The following ST6GALNAC5 variants were observed in gnomAD, a reference collection of about 807,000 sequenced individuals.
The protein encoded by ST6GALNAC5 is alpha-N-acetylgalactosaminide alpha-2,6-sialyltransferase 5.
In ST6GALNAC5, 27 loss-of-function variants were observed where a neutral mutation model predicts 33.6. The observed-to-expected ratio is 0.80, with a 90% CI of 0.59 to 1.11. The LOEUF (loss-of-function observed/expected upper bound fraction) is 1.11, where lower values mean the gene tolerates loss of function less well. ST6GALNAC5 is among the 50% of genes least tolerant of loss of function. The pLI is 0.00. For synonymous variants in ST6GALNAC5, 194 were observed against 171.2 expected, an observed-to-expected ratio of 1.13 and a Z score of -1.04; for missense variants, 428 against 454.0, an observed-to-expected ratio of 0.94 and a Z score of 0.52.
At chr1:77,040,785 G>C (rs949221237) in intron 2 of ST6GALNAC5, among the ~76,000 whole-genome samples, 9 of 152,150 alleles carry the variant, frequency 5.9e-5, no homozygotes, top group Admixed American at 5.9e-4. Flanking sequence ...AGCGTGATGA[G>C]AAAAAGCAGC....
chr1:76,974,366 C>T (rs1648908582), intron 2 of ST6GALNAC5, among the ~76,000 whole-genome samples: 1 of 151,830 alleles, frequency 6.6e-6, no homozygotes, highest in African/African-American at 2.4e-5. Context: ...TCACCACACT[C>T]AGTTGATTTT....
At chr1:76,913,110 C>T (rs941975189) in intron 2 of ST6GALNAC5, among the ~76,000 whole-genome samples, 2 of 152,016 alleles carry the variant, frequency 1.3e-5, no homozygotes, top group African/African-American at 4.8e-5. Context: ...TTAGGGCAGG[C>T]CTGGTGGTGA....
At chr1:76,976,073 C>T (rs960050005) in intron 2 of ST6GALNAC5, among the ~76,000 whole-genome samples, 6 of 151,740 alleles carry the variant, frequency 4.0e-5, no homozygotes, top group Middle Eastern at 3.4e-3. Flanking sequence ...CCAGCCTGGG[C>T]GACAAAGCGA....
chr1:77,051,647 A>G (rs1254524677), intron 4 of ST6GALNAC5, among the ~76,000 whole-genome samples: 2 of 152,218 alleles, frequency 1.3e-5, no homozygotes. Flanking sequence ...AGCACAAGGC[A>G]AGTTAGCTTG....
At chr1:77,050,174 C>A in intron 3 of ST6GALNAC5, 84 bp from the exon 4 acceptor site, 2 of 1,143,098 alleles carry the variant, frequency 1.7e-6, no homozygotes, top group Admixed American at 1.7e-5. Context: ...TTATAGTTAG[C>A]CTTACTCTAG....
At chr1:76,954,965 T>C (rs749527847) in intron 2 of ST6GALNAC5, among the ~76,000 whole-genome samples, 1 of 152,168 alleles carries the variant, frequency 6.6e-6, no homozygotes, top group Admixed American at 6.6e-5. Flanking sequence ...TTCTGGTCTA[T>C]GGAGAAGGGA....
chr1:77,006,781 G>T (rs976043747), intron 2 of ST6GALNAC5, among the ~76,000 whole-genome samples: 5 of 152,126 alleles, frequency 3.3e-5, no homozygotes, highest in Non-Finnish European at 5.9e-5. Flanking sequence ...ATACTGGGTG[G>T]CTCTTCTGGC....
intron 2 of ST6GALNAC5, among the ~76,000 whole-genome samples, chr1:76,917,596 G>C (rs1646988569): frequency 6.6e-6 from 1 of 151,612 alleles, no homozygotes; most frequent in Non-Finnish European, 1.5e-5. Flanking sequence ...GTATAGTAGT[G>C]TATTAGGGTT....
chr1:76,984,239 G>C (rs1050544234), intron 2 of ST6GALNAC5, among the ~76,000 whole-genome samples: 7 of 152,052 alleles, frequency 4.6e-5, no homozygotes, highest in Admixed American at 3.3e-4. Flanking sequence ...TTTTTGAAAA[G>C]ATTAACAAAA....
intron 2 of ST6GALNAC5, among the ~76,000 whole-genome samples, chr1:77,018,843 G>C (rs1048958623): frequency 2.0e-5 from 3 of 152,170 alleles, no homozygotes; most frequent in Non-Finnish European, 4.4e-5. Context: ...TAAATATCTT[G>C]TTTCTTACTG....
rs1653695265 is a variant in ST6GALNAC5 at position 76,878,289 on chromosome 1, C to T, written c.261+9547C>T. Among the ~76,000 whole-genome samples, 5 of 152,134 alleles carry T rather than the reference C, an allele frequency of 3.3e-5. No individual in the cohort carries two copies. The South Asian group carries it at 1.0e-3, about 32-fold the overall frequency. On this transcript the variant is annotated intron_variant, in intron 2 of 4. Transcript: ENST00000477717. ...CAGGGAGCCAATGTAGGGGTTCTGC[C>T]AGTTACTAAGTATGTCTATGCCAGT...
intron 2 of ST6GALNAC5, among the ~76,000 whole-genome samples, chr1:77,005,162 C>T (rs963256687): frequency 1.3e-5 from 2 of 152,270 alleles, no homozygotes; most frequent in African/African-American, 4.8e-5. Flanking sequence ...GGGTAGTACC[C>T]TCCAAGCCAG....
chr1:77,055,248 T>C (rs1024669134), intron 4 of ST6GALNAC5, among the ~76,000 whole-genome samples: 1 of 152,178 alleles, frequency 6.6e-6, no homozygotes, highest in Non-Finnish European at 1.5e-5. Flanking sequence ...GATGCATTTA[T>C]GTGTTTATTT....
intron 2 of ST6GALNAC5, among the ~76,000 whole-genome samples, chr1:76,903,977 G>T (rs2100269509): frequency 6.6e-6 from 1 of 152,264 alleles, no homozygotes; most frequent in African/African-American, 2.4e-5. Flanking sequence ...TGTGGGGGTG[G>T]TTTCACATAT....
At chr1:76,898,844 C>T (rs775980548) in intron 2 of ST6GALNAC5, among the ~76,000 whole-genome samples, 5 of 151,996 alleles carry the variant, frequency 3.3e-5, no homozygotes, top group African/African-American at 4.8e-5. Flanking sequence ...GGACCTAGCT[C>T]GGCCTGGCGA....
At chr1:76,971,780 G>A (rs1648767382) in intron 2 of ST6GALNAC5, among the ~76,000 whole-genome samples, 1 of 152,234 alleles carries the variant, frequency 6.6e-6, no homozygotes, top group African/African-American at 2.4e-5. Flanking sequence ...GGTAATCAAA[G>A]TATAATTTCC....
intron 2 of ST6GALNAC5, among the ~76,000 whole-genome samples, chr1:77,028,306 A>G (rs1651323867): frequency 6.6e-6 from 1 of 152,198 alleles, no homozygotes; most frequent in South Asian, 2.1e-4. Flanking sequence ...TTCCTAGCAA[A>G]TCAGGTTCCC....
At chr1:76,979,906 C>T (rs977743082) in intron 2 of ST6GALNAC5, among the ~76,000 whole-genome samples, 1 of 152,118 alleles carries the variant, frequency 6.6e-6, no homozygotes, top group Non-Finnish European at 1.5e-5. Context: ...TACCCCATTG[C>T]ACTCCAGCCT....
At position 77,064,593 on chromosome 1, in the gene ST6GALNAC5, A is replaced by G. The variant is rs1652713493; in HGVS notation, c.*1387A>G. 1 of 152,184 alleles carries G rather than the reference A, an allele frequency of 6.6e-6. No homozygotes were observed. Among genetic ancestry groups the G allele is most frequent in the Admixed American group, 6.6e-5 (1 of 15,266 alleles). 9.4% of individuals were successfully genotyped at this position (152,184 alleles called of 1,614,324 possible). ...ATCTTCTTAGATTATATTCATTACC[A>G]TTCCCTGGTCTGAAGGAGTATAAAG... is the stretch of plus-strand genomic sequence containing the variant. On this transcript the variant is annotated 3_prime_UTR_variant, in exon 5 of 5. Coordinates refer to ENST00000477717, the MANE Select transcript of ST6GALNAC5 (RefSeq NM_030965.3).
Sources: allele counts gnomAD v4.1 joint callset (sites outside exome capture counted in the v4.1 genomes callset), GRCh38; gene constraint gnomAD v4.1.1; transcripts MANE v1.5; gene names NCBI Gene and HGNC (gene_info 2026-07-23, HGNC 2026-07-21).